Variants in VAC14 observed in about 807,000 individuals in gnomAD.
The protein encoded by VAC14 is protein VAC14 homolog.
VAC14 carries 47 observed loss-of-function variants against 85.3 expected under a neutral mutation model. The observed-to-expected ratio is 0.55, with a 90% CI of 0.44 to 0.70. The LOEUF (loss-of-function observed/expected upper bound fraction) is 0.70. VAC14 is among the 30% of genes least tolerant of loss of function. VAC14 has a pLI of 0.00. For missense variants in VAC14, 861 were observed against 1,004.3 expected (o/e 0.86, Z 1.93); for synonymous variants, 447 against 430.5 (o/e 1.04, Z -0.47).
chr16:70,762,712 C>A lies in VAC14; in HGVS notation c.1306-107G>T. The A allele has an allele frequency of 6.7e-7, 1 of 1,489,140 alleles. No individual in the cohort carries two copies. Among genetic ancestry groups the A allele is most frequent in the Non-Finnish European group, 9.2e-7 (1 of 1,083,754 alleles). The allele number at this position is 1,489,140 out of a possible 1,614,324, so 92.2% of individuals were successfully genotyped here. A position where few individuals can be genotyped will look rare whatever the true frequency, so the allele number is the denominator to read the frequency against. On this transcript the variant is annotated intron_variant, in intron 11 of 18. Transcript: ENST00000261776. The surrounding 1 kb of genome is among the most constrained non-coding windows in gnomAD (Gnocchi z 4.1). ...CACGGACCCACTGGTCTGCACGGAC[C>A]ACTTCCCTCCCCGACACAATGAGGG... is the stretch of plus-strand genomic sequence containing the variant.
At chr16:70,759,351 G>C (rs887508747) in intron 12 of VAC14, among the ~76,000 whole-genome samples, 1 of 152,226 alleles carries the variant, frequency 6.6e-6, no homozygotes, top group African/African-American at 2.4e-5. Context: ...TACCAGCTGG[G>C]CATGGTGGCT....
intron 12 of VAC14, among the ~76,000 whole-genome samples, chr16:70,753,003 G>C (rs926318224): frequency 2.8e-5 from 4 of 144,662 alleles, no homozygotes; most frequent in South Asian, 2.1e-4. Flanking sequence ...TGATGTGCAG[G>C]AGGAGGGGGT....
chr16:70,689,707 G>C (rs2053563312), intron 18 of VAC14: 1 of 985,512 alleles, frequency 1.0e-6, no homozygotes, highest in African/African-American at 1.7e-5. Flanking sequence ...GCGGGGCTCA[G>C]CTGACTTTAG....
At chr16:70,705,774 C>T (rs896242779) in intron 14 of VAC14, among the ~76,000 whole-genome samples, 1 of 152,200 alleles carries the variant, frequency 6.6e-6, no homozygotes, top group African/African-American at 2.4e-5. Context: ...TGGCAAGTTC[C>T]AGGAGGGGTG....
intron 13 of VAC14, 58 bp downstream of exon 13, chr16:70,744,365 T>C: frequency 6.2e-7 from 1 of 1,609,160 alleles, no homozygotes. Flanking sequence ...TGGTCCAGCC[T>C]AAGACCCGGC....
At chr16:70,796,112 T>C (rs568638394) in intron 1 of VAC14, among the ~76,000 whole-genome samples, 36 of 152,328 alleles carry the variant, frequency 2.4e-4, no homozygotes, top group African/African-American at 8.2e-4. Flanking sequence ...GACTGCCTTA[T>C]CCTATAGGAA....
chr16:70,699,122 A>G, intron 14 of VAC14: 1 of 309,368 alleles, frequency 3.2e-6, no homozygotes, highest in Non-Finnish European at 6.2e-6. Flanking sequence ...AGTTCCTGAG[A>G]TCCCGTCACC....
intron 14 of VAC14, among the ~76,000 whole-genome samples, chr16:70,720,143 C>T (rs560918776): frequency 4.6e-5 from 7 of 152,128 alleles, no homozygotes; most frequent in South Asian, 2.1e-4. Context: ...GCAAGATGAA[C>T]CTCTTGTGTT....
At chr16:70,761,022 T>TGTGTGGGG in intron 12 of VAC14, 1 of 190,066 alleles carries the variant, frequency 5.3e-6, no homozygotes, top group Non-Finnish European at 1.1e-5. Context: ...TGTGTGTGCA[T>TGTGTGGGG]GGGGGGGCGG....
At chr16:70,789,550 G>A (rs1244668237) in intron 1 of VAC14, among the ~76,000 whole-genome samples, 2 of 152,250 alleles carry the variant, frequency 1.3e-5, no homozygotes, top group African/African-American at 4.8e-5. Context: ...CCACGCGGGA[G>A]GCCCGGGTTC....
chr16:70,768,365 C>G (rs189984993), intron 10 of VAC14: 92 of 160,028 alleles, frequency 5.7e-4, no homozygotes, highest in African/African-American at 2.0e-3. Context: ...CCAGGCAGAG[C>G]AGTCACGAGA....
rs781664857 is a variant in VAC14 at position 70,795,411 on chromosome 16, G to A, written c.104+5386C>T. Among the ~76,000 whole-genome samples, 19 of 151,062 alleles carry A rather than the reference G, an allele frequency of 1.3e-4. No individual in the cohort carries two copies. The East Asian group carries it at 1.6e-3, about 12-fold the overall frequency. ...AGGGAGGCTGAGGCAGGAGAATGGC[G>A]TGAACCTGAGAGGCAGAGTTTGCAG... On this transcript the variant is annotated intron_variant, in intron 1 of 18. Coordinates refer to ENST00000261776, the MANE Select transcript of VAC14 (RefSeq NM_018052.5).
chr16:70,725,710 G>T (rs1182901558), intron 14 of VAC14, among the ~76,000 whole-genome samples: 1 of 152,186 alleles, frequency 6.6e-6, no homozygotes, highest in African/African-American at 2.4e-5. Flanking sequence ...CTTGCTGCTG[G>T]GCTTCTCTGG....
In VAC14 at chr16:70,762,989, C is replaced by A. The variant is rs758259710; in HGVS notation, c.1197G>T (p.Gly399=). The A allele has an allele frequency of 3.1e-6, 5 of 1,614,218 alleles. No individual in the cohort carries two copies. In the South Asian group the frequency reaches 5.5e-5, roughly 18 times the overall value. ...GGTGGCAGTTTAGGACCTGCACGAT[C>A]CCGTCGAGGTGAAGGGTCACTGGGG... ...ERAPVTLHLD[G]IVQVLNCHLS... is the part of the protein sequence containing the mutation. The change falls in exon 11 of 19, where the codon GGG becomes GGT. Residue 399 remains glycine, a synonymous_variant. Coordinates refer to ENST00000261776, the MANE Select transcript of VAC14 (RefSeq NM_018052.5). The surrounding 1 kb of genome is among the most constrained non-coding windows in gnomAD (Gnocchi z 4.1).
At chr16:70,695,109 C>CTTT (rs574700749) in intron 17 of VAC14, among the ~76,000 whole-genome samples, 1 of 136,522 alleles carries the variant, frequency 7.3e-6, no homozygotes. Flanking sequence ...TCATCCCAGT[C>CTTT]TTTTTTTTTT....
At chr16:70,718,109 G>A (rs774435796) in intron 14 of VAC14, among the ~76,000 whole-genome samples, 1 of 152,212 alleles carries the variant, frequency 6.6e-6, no homozygotes, top group Non-Finnish European at 1.5e-5. Context: ...TGCCCACCCC[G>A]GGAGCTCCTC....
intron 14 of VAC14, among the ~76,000 whole-genome samples, chr16:70,730,546 C>T (rs1464280018): frequency 6.6e-6 from 1 of 151,906 alleles, no homozygotes; most frequent in Non-Finnish European, 1.5e-5. Context: ...CTTTAATAAC[C>T]CCATCACCCC....
In VAC14 at chr16:70,762,649, C is replaced by T; in HGVS notation, c.1306-44G>A. The T allele has an allele frequency of 6.2e-7, 1 of 1,602,706 alleles. No homozygotes were observed. On this transcript the variant is annotated intron_variant, in intron 11 of 18. Transcript: ENST00000261776. This position sits in a 1 kb window ranked among gnomAD's most constrained non-coding sequence, Gnocchi z 4.1. ...GGGGTGCCCGTGAGTGCTCCCTTCG[C>T]CCCGGGACTACGTGCAGTGCAGTGT...
In VAC14 at chr16:70,785,987, C is replaced by T. The variant is rs551556968; in HGVS notation, c.256-118G>A. On this transcript the variant is annotated intron_variant, in intron 2 of 18. Coordinates refer to ENST00000261776, the MANE Select transcript of VAC14 (RefSeq NM_018052.5). ...AGGTGCTCAGGCCTTTGTGTGAGGGCTGGGCTCAAAGACCCTTCCCAAGCC... is the reference window on the plus strand; with the variant it reads ...AGGTGCTCAGGCCTTTGTGTGAGGGTTGGGCTCAAAGACCCTTCCCAAGCC... 2.2e-5 allele frequency: 30 copies of T among 1,363,628 alleles called. No homozygotes were observed. The Admixed American group carries it at 7.5e-4, about 34-fold the overall frequency. 84.5% of individuals were successfully genotyped at this position (1,363,628 alleles called of 1,614,324 possible). A position where few individuals can be genotyped will look rare whatever the true frequency, so the allele number is the denominator to read the frequency against.
Sources: gnomAD v4.1 joint callset for allele counts (sites outside exome capture counted in the v4.1 genomes callset) on GRCh38, gnomAD v4.1.1 for gene constraint, Gnocchi (gnomAD v3.1) non-coding constraint, MANE v1.5 for transcripts, NCBI Gene and HGNC (gene_info 2026-07-23, HGNC 2026-07-21) for gene names.